SPAST: variants seen among roughly 807,000 people sequenced by gnomAD.
SPAST encodes spastic paraplegia 4 (autosomal dominant; spastin).
Under a neutral mutation model 76.6 loss-of-function variants are expected in SPAST, and 30 were observed. The ratio of observed to expected loss-of-function variants is 0.39; its 90% CI spans 0.29 to 0.53. SPAST has a LOEUF of 0.53. Ranked by LOEUF, SPAST falls within the 20% of genes least tolerant of loss-of-function variation. SPAST has a pLI of 0.68. For missense variants in SPAST, 717 were observed against 770.5 expected (o/e 0.93, Z 0.82); for synonymous variants, 305 against 281.0 (o/e 1.09, Z -0.86).
intron 1 of SPAST, among the ~76,000 whole-genome samples, chr2:32,076,781 C>G (rs559833069): frequency 6.6e-6 from 1 of 151,910 alleles, no homozygotes; most frequent in Non-Finnish European, 1.5e-5. Flanking sequence ...AGGCTGGACT[C>G]GAGCTCCTTG....
Position 32,064,247 on chromosome 2 carries a change from G to T in SPAST, c.415+1G>T, listed in dbSNP as rs1057521135. 2.3e-6 allele frequency: 3 copies of T among 1,285,846 alleles called. No individual in the cohort carries two copies. Among genetic ancestry groups the T allele is most frequent in the African/African-American group, 1.5e-5 (1 of 65,510 alleles). 79.7% of individuals were successfully genotyped at this position (1,285,846 alleles called of 1,614,324 possible). A position where few individuals can be genotyped will look rare whatever the true frequency, so the allele number is the denominator to read the frequency against. On this transcript the variant is annotated splice_donor_variant, in intron 1 of 16. Transcript: ENST00000315285. LOFTEE classifies it high-confidence loss of function. ...CTGCGCATCGATGAGGATGAGAAAG[G>T]TAACTAGGGGGCTGGGGGAGGGGGC...
At chr2:32,117,465 T>C (rs898443542) in intron 7 of SPAST, among the ~76,000 whole-genome samples, 1 of 151,886 alleles carries the variant, frequency 6.6e-6, no homozygotes, top group Non-Finnish European at 1.5e-5. Flanking sequence ...GGAAAGTTTT[T>C]TTTTTAATTA....
At chr2:32,121,093 G>T (rs537996667) in intron 7 of SPAST, among the ~76,000 whole-genome samples, 1 of 152,000 alleles carries the variant, frequency 6.6e-6, no homozygotes, top group Non-Finnish European at 1.5e-5. Flanking sequence ...ATTTTATAAT[G>T]ATATGCTTGA....
Position 32,157,283 on chromosome 2 carries a change from CTT to C in SPAST, c.*2788_*2789del, listed in dbSNP as rs1680284188. 1.3e-5 allele frequency: 2 copies of C among 152,544 alleles called. No individual in the cohort carries two copies. Among genetic ancestry groups the C allele is most frequent in the Admixed American group, 6.6e-5 (1 of 15,266 alleles). 9.4% of individuals were successfully genotyped at this position (152,544 alleles called of 1,614,324 possible). A position where few individuals can be genotyped will look rare whatever the true frequency, so the allele number is the denominator to read the frequency against. On this transcript the variant is annotated 3_prime_UTR_variant, in exon 17 of 17. Transcript: ENST00000315285. ...TTTCCAGATATCTTAAGGGTAAAAG[CTT>C]ATTCTAAGACAGTCTGTCCATTGAG...
In SPAST at chr2:32,114,885, A is replaced by C. The variant is rs192431122; in HGVS notation, c.870+60A>C. ...TTGCAAATAGAAAAATTTTTAAGAT[A>C]CTATTCCTGCTTAAGTTGATCATAA... On this transcript the variant is annotated intron_variant, in intron 5 of 16. Coordinates refer to ENST00000315285, the MANE Select transcript of SPAST (RefSeq NM_014946.4). The C allele has an allele frequency of 3.6e-3, 4,405 of 1,212,038 alleles. 26 individuals are homozygous for C. The highest frequency in any genetic ancestry group is 4.0e-3 in the Non-Finnish European group (3,278 of 815,976). 75.1% of individuals were successfully genotyped at this position (1,212,038 alleles called of 1,614,324 possible). A position where few individuals can be genotyped will look rare whatever the true frequency, so the allele number is the denominator to read the frequency against.
At chr2:32,065,776 T>C (rs1262897819) in intron 1 of SPAST, among the ~76,000 whole-genome samples, 2 of 152,138 alleles carry the variant, frequency 1.3e-5, no homozygotes, top group African/African-American at 4.8e-5. Flanking sequence ...CCAAAAACTG[T>C]TCTAGAATTT....
intron 9 of SPAST, among the ~76,000 whole-genome samples, chr2:32,133,298 C>T (rs1045026968): frequency 1.3e-5 from 2 of 152,144 alleles, no homozygotes; most frequent in Non-Finnish European, 2.9e-5. Context: ...CTGTATACAG[C>T]TCAGTGGATT....
intron 1 of SPAST, among the ~76,000 whole-genome samples, chr2:32,072,824 G>C (rs1676805979): frequency 6.6e-6 from 1 of 152,160 alleles, no homozygotes; most frequent in African/African-American, 2.4e-5. Flanking sequence ...CTACCACTTT[G>C]AAAGGATTAA....
At chr2:32,091,236 A>T (rs1202031836) in intron 3 of SPAST, among the ~76,000 whole-genome samples, 2 of 138,410 alleles carry the variant, frequency 1.4e-5, no homozygotes, top group Non-Finnish European at 3.1e-5. Context: ...TCTAATTTGT[A>T]ATATGAAGCT....
chr2:32,140,574 G>A (rs1211269770), intron 12 of SPAST, among the ~76,000 whole-genome samples: 2 of 151,792 alleles, frequency 1.3e-5, no homozygotes, highest in Non-Finnish European at 2.9e-5. Context: ...CCAAGACGGC[G>A]GCACTGTACT....
At chr2:32,082,556 C>T (rs1327860891) in intron 1 of SPAST, among the ~76,000 whole-genome samples, 10 of 151,884 alleles carry the variant, frequency 6.6e-5, no homozygotes, top group Admixed American at 1.3e-4. Flanking sequence ...ATTAGCCGGG[C>T]GTGGTGGCAC....
At chr2:32,113,900 C>T (rs1678720452) in intron 4 of SPAST, among the ~76,000 whole-genome samples, 1 of 151,636 alleles carries the variant, frequency 6.6e-6, no homozygotes, top group South Asian at 2.1e-4. Context: ...TTTCTGTTCC[C>T]CAAAATGAAG....
intron 12 of SPAST, among the ~76,000 whole-genome samples, chr2:32,140,105 C>T (rs1679668750): frequency 6.6e-6 from 1 of 151,938 alleles, no homozygotes; most frequent in Non-Finnish European, 1.5e-5. Context: ...CTTTTGTTTT[C>T]CCTATCTGTA....
chr2:32,102,741 T>C (rs1678175518), intron 4 of SPAST, among the ~76,000 whole-genome samples: 1 of 152,242 alleles, frequency 6.6e-6, no homozygotes, highest in Non-Finnish European at 1.5e-5. Context: ...GTGGTTTTTG[T>C]CTTTGGTTCT....
intron 3 of SPAST, among the ~76,000 whole-genome samples, chr2:32,097,681 C>CT (rs796283186): frequency 3.7e-4 from 52 of 141,056 alleles, no homozygotes; most frequent in African/African-American, 4.9e-4. Flanking sequence ...CTGAAATGTC[C>CT]TTTTTTTTTT....
chr2:32,145,379 G>GAGCC (rs1250457294), intron 15 of SPAST, among the ~76,000 whole-genome samples: 1 of 152,186 alleles, frequency 6.6e-6, no homozygotes, highest in Non-Finnish European at 1.5e-5. Flanking sequence ...TTACAGGCAT[G>GAGCC]AGCCACCATG....
intron 3 of SPAST, among the ~76,000 whole-genome samples, chr2:32,095,051 C>T (rs1677866930): frequency 6.6e-6 from 1 of 152,150 alleles, no homozygotes; most frequent in Admixed American, 6.5e-5. Context: ...TGCTATGTTG[C>T]ATTATAGACT....
At chr2:32,071,359 CAG>C (rs1246386356) in intron 1 of SPAST, among the ~76,000 whole-genome samples, 2 of 152,176 alleles carry the variant, frequency 1.3e-5, no homozygotes, top group Non-Finnish European at 2.9e-5. Flanking sequence ...GCATTGAAGA[CAG>C]AAATTGTCTA....
intron 4 of SPAST, among the ~76,000 whole-genome samples, chr2:32,102,735 T>C (rs1678175363): frequency 6.6e-6 from 1 of 152,178 alleles, no homozygotes; most frequent in South Asian, 2.1e-4. Flanking sequence ...AATCATGTGG[T>C]TTTTGTCTTT....
Sources: gnomAD v4.1 joint callset for allele counts (sites outside exome capture counted in the v4.1 genomes callset) on GRCh38, gnomAD v4.1.1 for gene constraint, MANE v1.5 for transcripts, NCBI Gene and HGNC (gene_info 2026-07-23, HGNC 2026-07-21) for gene names.